The following TPRG1 variants were observed in gnomAD, a reference collection of about 807,000 sequenced individuals.
The protein encoded by TPRG1 is tumor protein p63 regulated 1, also known as tumor protein p63-regulated gene 1 protein.
TPRG1 carries 29 observed loss-of-function variants against 29.3 expected under a neutral mutation model. The observed-to-expected ratio is 0.99, with a 90% CI of 0.74 to 1.35. TPRG1 has a LOEUF of 1.35. Among genes scored for constraint, TPRG1 ranks in the 40% most tolerant of loss-of-function variants. The pLI, the probability that TPRG1 is intolerant of heterozygous loss-of-function variation, is 0.00. For missense variants in TPRG1, 327 were observed against 335.0 expected (o/e 0.98, Z 0.19); for synonymous variants, 130 against 116.8 (o/e 1.11, Z -0.73).
intron 1 of TPRG1, among the ~76,000 whole-genome samples, chr3:189,119,145 G>C (rs1353983718): frequency 6.6e-6 from 1 of 152,250 alleles, no homozygotes; most frequent in African/African-American, 2.4e-5. Context: ...GTGTGACGTG[G>C]ATGTGAGTCA....
chr3:189,044,845 A>G (rs1714870564), intron 4 of TPRG1, among the ~76,000 whole-genome samples: 1 of 152,214 alleles, frequency 6.6e-6, no homozygotes, highest in Non-Finnish European at 1.5e-5. Flanking sequence ...TGATATGATC[A>G]GATCAAAGGA....
rs34297763 is a variant in TPRG1, at chr3:189,008,064, GAAAA to G, written c.-660+3314_-660+3317del. Among the ~76,000 whole-genome samples the G allele has an allele frequency of 1.4e-3, 128 of 92,724 alleles. 2 individuals carry two copies. The East Asian group carries it at 0.033, about 24-fold the overall frequency. The allele number at this position is 92,724 out of a possible 152,430, so 60.8% of individuals were successfully genotyped here. ...AAGTATAATAAAAAAAGAAAAGAAA[GAAAA>G]AAAAAAAAACGTTCTAGAAAAAAAA... On this transcript the variant is annotated intron_variant, in intron 3 of 10. Coordinates refer to the TPRG1 transcript ENST00000433971.
intron 1 of TPRG1, among the ~76,000 whole-genome samples, chr3:189,206,776 C>T (rs907721733): frequency 2.0e-5 from 3 of 147,652 alleles, no homozygotes; most frequent in Non-Finnish European, 2.9e-5. Flanking sequence ...GCTGGGATTA[C>T]AGGCATGAGT....
intron 3 of TPRG1, among the ~76,000 whole-genome samples, chr3:189,225,429 A>G (rs900227662): frequency 2.6e-5 from 4 of 152,232 alleles, no homozygotes; most frequent in Non-Finnish European, 2.9e-5. Flanking sequence ...ACTGAAGGAT[A>G]TCAAATAGGG....
intron 4 of TPRG1, among the ~76,000 whole-genome samples, chr3:189,031,716 G>A (rs912326744): frequency 6.6e-6 from 1 of 152,194 alleles, no homozygotes; most frequent in African/African-American, 2.4e-5. Context: ...TTCACTCTGT[G>A]GAGGAGTGGT....
intron 1 of TPRG1, among the ~76,000 whole-genome samples, chr3:189,111,298 G>A (rs1055678915): frequency 2.6e-5 from 4 of 151,934 alleles, no homozygotes; most frequent in African/African-American, 9.7e-5. Flanking sequence ...GAGATATTTT[G>A]CAAGATTTGT....
chr3:189,153,389 A>G (rs139281492), intron 5 of TPRG1, among the ~76,000 whole-genome samples: 3 of 152,354 alleles, frequency 2.0e-5, no homozygotes, highest in South Asian at 2.1e-4. Flanking sequence ...AACAGAGAAG[A>G]GCTAAGCAAG....
At chr3:189,237,195 G>A (rs1013973193) in intron 3 of TPRG1, among the ~76,000 whole-genome samples, 2 of 152,128 alleles carry the variant, frequency 1.3e-5, no homozygotes, top group African/African-American at 4.8e-5. Flanking sequence ...CAATAGATAT[G>A]TATTTACTGC....
At chr3:189,134,551 C>CTA (rs961113209) in intron 3 of TPRG1, among the ~76,000 whole-genome samples, 1 of 151,170 alleles carries the variant, frequency 6.6e-6, no homozygotes, top group Non-Finnish European at 1.5e-5. Flanking sequence ...GTAGGTGGGA[C>CTA]TATATATAGA....
At chr3:189,169,271 TCTC>T (rs1237696780), upstream of TPRG1, among the ~76,000 whole-genome samples, 1 of 152,170 alleles carries the variant, frequency 6.6e-6, no homozygotes, top group Non-Finnish European at 1.5e-5. Flanking sequence ...CTTAAGCGAT[TCTC>T]CTGCCTCAGC....
chr3:189,089,921 A>G (rs1255859701), intron 4 of TPRG1, among the ~76,000 whole-genome samples: 1 of 152,010 alleles, frequency 6.6e-6, no homozygotes, highest in Admixed American at 6.6e-5. Context: ...AGATTTTTCC[A>G]GGAGTTTATC....
At chr3:189,312,140 T>C (rs1207893023) in intron 5 of TPRG1, among the ~76,000 whole-genome samples, 52 of 39,288 alleles carry the variant, frequency 1.3e-3, no homozygotes, top group African/African-American at 5.5e-3. Context: ...TTTCTTTCTT[T>C]CTTTCTTTCT....
chr3:189,056,099 T>TCCTC (rs1363687425), intron 4 of TPRG1, among the ~76,000 whole-genome samples: 1 of 138,250 alleles, frequency 7.2e-6, no homozygotes, highest in Non-Finnish European at 1.6e-5. Flanking sequence ...CTTCCTTCCT[T>TCCTC]CCCTCTTTCT....
chr3:189,102,058 C>A (rs189529292), intron 1 of TPRG1, among the ~76,000 whole-genome samples: 25 of 152,288 alleles, frequency 1.6e-4, no homozygotes, highest in African/African-American at 6.0e-4. Flanking sequence ...CTCTCTATCT[C>A]TTAAAAGTCT....
chr3:189,015,163 T>A (rs1477459607), intron 3 of TPRG1, among the ~76,000 whole-genome samples: 1 of 152,148 alleles, frequency 6.6e-6, no homozygotes, highest in Non-Finnish European at 1.5e-5. Flanking sequence ...CTGGAGTAAA[T>A]GTTATTCTTG....
chr3:189,239,925 T>C (rs1740250885), intron 4 of TPRG1, among the ~76,000 whole-genome samples: 1 of 152,104 alleles, frequency 6.6e-6, no homozygotes, highest in African/African-American at 2.4e-5. Context: ...TACTAAACAT[T>C]TTAGATCTAA....
At chr3:189,190,758 T>G (rs2108740056) in intron 1 of TPRG1, among the ~76,000 whole-genome samples, 1 of 152,300 alleles carries the variant, frequency 6.6e-6, no homozygotes, top group East Asian at 1.9e-4. Flanking sequence ...AGAGGTATGA[T>G]TACAACATAC....
chr3:189,254,274 G>A (rs1253733817), intron 4 of TPRG1, among the ~76,000 whole-genome samples: 1 of 152,142 alleles, frequency 6.6e-6, no homozygotes, highest in Non-Finnish European at 1.5e-5. Context: ...TTATTAAATA[G>A]GGAATCCTTT....
chr3:189,215,670 TA>T (rs1436958114), intron 3 of TPRG1, among the ~76,000 whole-genome samples: 2 of 152,140 alleles, frequency 1.3e-5, no homozygotes, highest in Admixed American at 1.3e-4. Flanking sequence ...ATTGGCTTCC[TA>T]ATTCTCTCAT....
Sources: gnomAD v4.1 joint callset for allele counts (sites outside exome capture counted in the v4.1 genomes callset) on GRCh38, gnomAD v4.1.1 for gene constraint, MANE v1.5 for transcripts, NCBI Gene and HGNC (gene_info 2026-07-23, HGNC 2026-07-21) for gene names.